The following INTS6 variants were observed in gnomAD, a reference collection of about 807,000 sequenced individuals.
INTS6 encodes the protein DEAD box protein.
INTS6 carries 16 observed loss-of-function variants against 104.9 expected under a neutral mutation model. That is an observed-to-expected ratio of 0.15 (90% CI 0.10 to 0.23). The LOEUF is 0.23. Ranked by LOEUF, INTS6 falls within the 10% of genes least tolerant of loss-of-function variation. The pLI is 1.00. For missense variants in INTS6, 584 were observed against 1,062.8 expected, an observed-to-expected ratio of 0.55 and a Z score of 6.26; for synonymous variants, 324 against 358.7, an observed-to-expected ratio of 0.90 and a Z score of 1.09.
chr13:51,422,638 A>T (rs1956916326), intron 4 of INTS6, among the ~76,000 whole-genome samples: 1 of 152,088 alleles, frequency 6.6e-6, no homozygotes, highest in Admixed American at 6.6e-5. Context: ...CCTCCAGTCT[A>T]CCTTTCACCT....
At chr13:51,411,582 A>G (rs551134522) in intron 4 of INTS6, among the ~76,000 whole-genome samples, 2 of 152,114 alleles carry the variant, frequency 1.3e-5, no homozygotes, top group East Asian at 3.9e-4. Flanking sequence ...AAAGAAACAC[A>G]TGAAAAGATT....
At chr13:51,403,221 C>T (rs1956472079) in intron 4 of INTS6, among the ~76,000 whole-genome samples, 1 of 152,162 alleles carries the variant, frequency 6.6e-6, no homozygotes, top group Admixed American at 6.5e-5. Context: ...TCCTAGCATA[C>T]AACCTAATTG....
At chr13:51,407,921 G>A (rs1956603701) in intron 4 of INTS6, among the ~76,000 whole-genome samples, 1 of 150,646 alleles carries the variant, frequency 6.6e-6, no homozygotes, top group Admixed American at 6.6e-5. Context: ...GGAGGCTGAG[G>A]CTGGAGAATC....
intron 3 of INTS6, among the ~76,000 whole-genome samples, chr13:51,356,408 A>G (rs1040563314): frequency 6.6e-6 from 1 of 152,292 alleles, no homozygotes; most frequent in South Asian, 2.1e-4. Context: ...TCTATGTTTG[A>G]TAATGTGCAA....
At chr13:51,449,925 T>C in intron 3 of INTS6, 3 of 985,044 alleles carry the variant, frequency 3.0e-6, no homozygotes, top group Non-Finnish European at 3.6e-6. Flanking sequence ...TCAGTGTACA[T>C]TTTAAATGTT....
At chr13:51,393,589 T>C (rs1000502308) in intron 5 of INTS6, among the ~76,000 whole-genome samples, 1 of 152,154 alleles carries the variant, frequency 6.6e-6, no homozygotes, top group African/African-American at 2.4e-5. Flanking sequence ...CTTACTCTTA[T>C]TGCTAGTAAG....
At chr13:51,344,364 GT>G in the INTS6 span, 2 of 1,613,572 alleles carry the variant, frequency 1.2e-6, no homozygotes, top group African/African-American at 2.7e-5. Context: ...GAACGCCACT[GT>G]CCCCCTGCTT....
intron 4 of INTS6, chr13:51,423,046 T>C: frequency 1.6e-6 from 2 of 1,279,968 alleles, no homozygotes; most frequent in Non-Finnish European, 2.0e-6. Flanking sequence ...TCAAAGATAA[T>C]ACGTTTTCTA....
chr13:51,432,762 T>C (rs1036694642), intron 3 of INTS6, among the ~76,000 whole-genome samples: 8 of 152,170 alleles, frequency 5.3e-5, no homozygotes, highest in African/African-American at 1.9e-4. Flanking sequence ...TACTAGAGTA[T>C]AAAAAGGAGC....
At chr13:51,440,673 G>T (rs532649732) in intron 3 of INTS6, 1 of 152,138 alleles carries the variant, frequency 6.6e-6, no homozygotes, top group Non-Finnish European at 1.5e-5. Context: ...ATGAATGCTT[G>T]TAAGTGTTAA....
intron 4 of INTS6, among the ~76,000 whole-genome samples, chr13:51,396,858 A>G (rs1956348803): frequency 6.6e-6 from 1 of 152,226 alleles, no homozygotes; most frequent in Non-Finnish European, 1.5e-5. Context: ...AAGAGGCAAA[A>G]GCGAAGATTT....
At chr13:51,358,148 G>A (rs1275624666), downstream of INTS6, among the ~76,000 whole-genome samples, 1 of 151,970 alleles carries the variant, frequency 6.6e-6, no homozygotes, top group Non-Finnish European at 1.5e-5. Context: ...TCCTGGGCCG[G>A]GTGCTATGTG....
At chr13:51,399,339 T>C (rs978941624) in intron 4 of INTS6, among the ~76,000 whole-genome samples, 3 of 152,132 alleles carry the variant, frequency 2.0e-5, no homozygotes, top group African/African-American at 4.8e-5. Flanking sequence ...CCCAAGTAGG[T>C]AGGACTACAG....
chr13:51,403,666 C>T (rs1956491937), intron 4 of INTS6, among the ~76,000 whole-genome samples: 1 of 149,510 alleles, frequency 6.7e-6, no homozygotes, highest in South Asian at 2.1e-4. Flanking sequence ...CCAACTGGTT[C>T]TATTATCAAA....
chr13:51,436,214 A>G (rs1459412535), intron 3 of INTS6, among the ~76,000 whole-genome samples: 1 of 152,142 alleles, frequency 6.6e-6, no homozygotes, highest in African/African-American at 2.4e-5. Context: ...TAATACTTCA[A>G]CTTTTTTTTA....
chr13:51,409,419 C>T (rs1027103761), intron 4 of INTS6, among the ~76,000 whole-genome samples: 4 of 151,506 alleles, frequency 2.6e-5, no homozygotes, highest in African/African-American at 9.7e-5. Context: ...CAATATAACA[C>T]TTATCTTTTA....
Position 51,367,906 on chromosome 13 carries a change from CA to C in INTS6, c.2477-9del, listed in dbSNP as rs1218530475. On this transcript the variant is annotated splice_polypyrimidine_tract_variant and intron_variant, in intron 16 of 17. Transcript: ENST00000311234. ...TGAAGATTCTTTCATATTCTTAAAG[CA>C]AAAGAAACAAAAAGAAAAATTAAGT... 2 of 1,485,762 alleles carry C rather than the reference CA, an allele frequency of 1.3e-6. No homozygotes were observed. Among genetic ancestry groups the C allele is most frequent in the Non-Finnish European group, 1.8e-6 (2 of 1,103,014 alleles). 92.0% of individuals were successfully genotyped at this position (1,485,762 alleles called of 1,614,324 possible).
chr13:51,368,847 C>G lies in INTS6; in HGVS notation c.2476+92G>C. ...AGACAGATCTAGAATCATATGTATT[C>G]TTTTACTACAGTTACTTGACTTTTT... On this transcript the variant is annotated intron_variant, in intron 16 of 17. Coordinates refer to ENST00000311234, the MANE Select transcript of INTS6 (RefSeq NM_012141.3). 4 of 1,302,766 alleles carry G rather than the reference C, an allele frequency of 3.1e-6. No homozygotes were observed. The East Asian group carries it at 9.3e-5, about 30-fold the overall frequency. The allele number at this position is 1,302,766 out of a possible 1,614,324, so 80.7% of individuals were successfully genotyped here. A position where few individuals can be genotyped will look rare whatever the true frequency, so the allele number is the denominator to read the frequency against.
intron 15 of INTS6, among the ~76,000 whole-genome samples, chr13:51,373,215 T>G (rs191838471): frequency 2.6e-4 from 40 of 151,206 alleles, no homozygotes; most frequent in South Asian, 6.3e-4. Context: ...TTTTTTTTTT[T>G]GGGTAAGACA....
Sources: gnomAD v4.1 joint callset for allele counts (sites outside exome capture counted in the v4.1 genomes callset) on GRCh38, gnomAD v4.1.1 for gene constraint, MANE v1.5 for transcripts, NCBI Gene and HGNC (gene_info 2026-07-23, HGNC 2026-07-21) for gene names.